The following SPOCK1 variants were observed in gnomAD, a reference collection of about 807,000 sequenced individuals.
The protein encoded by SPOCK1 is testican-1.
A neutral mutation model predicts 55.3 loss-of-function variants in SPOCK1; 23 were observed. That is an observed-to-expected ratio of 0.42 (90% CI 0.30 to 0.59). The LOEUF (loss-of-function observed/expected upper bound fraction) is 0.59. Among genes scored for constraint, SPOCK1 ranks in the 20% least tolerant of loss-of-function variants. SPOCK1 has a pLI of 0.22. For missense variants in SPOCK1, 499 were observed against 552.5 expected (o/e 0.90, Z 0.97); for synonymous variants, 226 against 221.0 (o/e 1.02, Z -0.20).
intron 2 of SPOCK1, among the ~76,000 whole-genome samples, chr5:137,423,677 C>A (rs1236900095): frequency 6.6e-6 from 1 of 152,242 alleles, no homozygotes; most frequent in Non-Finnish European, 1.5e-5. Context: ...CAGGTGCCAT[C>A]TGTCACCCCT....
At position 137,299,158 on chromosome 5, in the gene SPOCK1, T is replaced by C. The variant is rs539715358; in HGVS notation, c.187-32103A>G. ...CTTTTACTATTTTTAGTAACTGATA[T>C]GATGATCACAATATGTATCCTTAAT... On this transcript the variant is annotated intron_variant, in intron 2 of 10. Coordinates refer to ENST00000394945, the MANE Select transcript of SPOCK1 (RefSeq NM_004598.4). 2.9e-4 allele frequency among the ~76,000 whole-genome samples: 44 copies of C among 152,270 alleles called. No homozygotes were observed. The South Asian group carries it at 6.2e-3, about 22-fold the overall frequency.
intron 2 of SPOCK1, among the ~76,000 whole-genome samples, chr5:137,290,216 T>A (rs984208504): frequency 1.3e-5 from 2 of 152,184 alleles, no homozygotes; most frequent in Non-Finnish European, 2.9e-5. Flanking sequence ...ACCAGGAATA[T>A]TAATCAAATG....
intron 3 of SPOCK1, among the ~76,000 whole-genome samples, chr5:137,210,352 C>A (rs556718059): frequency 3.5e-4 from 53 of 152,208 alleles, no homozygotes; most frequent in African/African-American, 1.3e-3. Context: ...ATTTTCCAGG[C>A]TAGAACTGGA....
At chr5:137,102,831 T>C (rs1171095637) in intron 5 of SPOCK1, among the ~76,000 whole-genome samples, 1 of 152,202 alleles carries the variant, frequency 6.6e-6, no homozygotes, top group Admixed American at 6.5e-5. Context: ...ATACAGAAAG[T>C]AAAATAAAGA....
intron 6 of SPOCK1, among the ~76,000 whole-genome samples, chr5:137,025,899 G>A (rs1192005016): frequency 6.6e-6 from 1 of 152,190 alleles, no homozygotes; most frequent in Non-Finnish European, 1.5e-5. Context: ...CTGCAGGAAG[G>A]AGAAGAAACT....
intron 5 of SPOCK1, among the ~76,000 whole-genome samples, chr5:137,070,043 C>T (rs554006927): frequency 6.6e-6 from 1 of 152,238 alleles, no homozygotes; most frequent in South Asian, 2.1e-4. Flanking sequence ...ACTTTCCCAC[C>T]AGGTCTAGCC....
chr5:137,468,783 G>C (rs146743685), intron 2 of SPOCK1, among the ~76,000 whole-genome samples: 1 of 152,144 alleles, frequency 6.6e-6, no homozygotes, highest in Non-Finnish European at 1.5e-5. Flanking sequence ...AAAGCCACAG[G>C]GAGAACGAAG....
chr5:137,065,843 T>A (rs1013006493), intron 6 of SPOCK1, among the ~76,000 whole-genome samples: 3 of 152,204 alleles, frequency 2.0e-5, no homozygotes, highest in Non-Finnish European at 4.4e-5. Flanking sequence ...TTACTTTTAA[T>A]GGCAATGGGG....
In SPOCK1 at chr5:137,068,719, G is replaced by C. The variant is rs138927604; in HGVS notation, c.475-890C>G. On this transcript the variant is annotated intron_variant, in intron 5 of 10. Transcript: ENST00000394945. ...AAAAGATCACAAAGCTCAGGGCCAA[G>C]CACTTAATGCATTCCACAACACTGT... is the stretch of plus-strand genomic sequence containing the variant. 5.2e-3 allele frequency among the ~76,000 whole-genome samples: 792 copies of C among 152,314 alleles called. 3 individuals are homozygous for C. Among genetic ancestry groups the C allele is most frequent in the African/African-American group, 0.018 (747 of 41,568 alleles).
chr5:137,413,091 T>C (rs1752244213), intron 2 of SPOCK1, among the ~76,000 whole-genome samples: 1 of 152,192 alleles, frequency 6.6e-6, no homozygotes, highest in South Asian at 2.1e-4. Flanking sequence ...AGTCATAACC[T>C]TATTTAGTTC....
intron 3 of SPOCK1, 123 bp from the exon 4 acceptor site, chr5:137,140,817 G>A: frequency 7.0e-6 from 4 of 573,466 alleles, no homozygotes; most frequent in Non-Finnish European, 1.1e-5. Context: ...GGTGTGCGGT[G>A]GCGCGATCTC....
intron 4 of SPOCK1, among the ~76,000 whole-genome samples, chr5:137,113,337 T>C (rs1407057425): frequency 6.6e-6 from 1 of 152,196 alleles, no homozygotes; most frequent in Non-Finnish European, 1.5e-5. Flanking sequence ...TAGCCAAAGC[T>C]GTTCTCCAAG....
intron 3 of SPOCK1, among the ~76,000 whole-genome samples, chr5:137,169,890 C>T (rs1021382837): frequency 5.3e-5 from 8 of 152,216 alleles, no homozygotes; most frequent in Admixed American, 2.6e-4. Context: ...TCCTTTCACC[C>T]ACATCTTCAC....
rs138979372 is a variant in SPOCK1, at chr5:137,277,508, C to T, written c.187-10453G>A. ...GGCATCAATGTGAACACCAGAGACC[C>T]TGGAGAGAAGGCATGGGGCTGCCTG... On this transcript the variant is annotated intron_variant, in intron 2 of 10. Coordinates refer to ENST00000394945, the MANE Select transcript of SPOCK1 (RefSeq NM_004598.4). Among the ~76,000 whole-genome samples, 336 of 152,264 alleles carry T rather than the reference C, an allele frequency of 2.2e-3. 2 individuals are homozygous for T. The highest frequency in any genetic ancestry group is 7.6e-3 in the African/African-American group (316 of 41,550).
chr5:137,205,360 G>T (rs1277463120), intron 3 of SPOCK1, among the ~76,000 whole-genome samples: 1 of 152,254 alleles, frequency 6.6e-6, no homozygotes, highest in South Asian at 2.1e-4. Context: ...CTAAAGAGCT[G>T]TGTGCCCTGT....
chr5:137,271,116 G>T (rs1466088247), intron 2 of SPOCK1, among the ~76,000 whole-genome samples: 1 of 151,944 alleles, frequency 6.6e-6, no homozygotes, highest in Non-Finnish European at 1.5e-5. Flanking sequence ...TGGTGTTAGT[G>T]GGAGAGGAAG....
intron 2 of SPOCK1, among the ~76,000 whole-genome samples, chr5:137,274,282 G>A (rs1160044646): frequency 6.6e-6 from 1 of 152,176 alleles, no homozygotes; most frequent in Non-Finnish European, 1.5e-5. Context: ...TATCTAGGAA[G>A]GAAAGAATAG....
chr5:137,082,685 G>A (rs901011570), intron 5 of SPOCK1, among the ~76,000 whole-genome samples: 3 of 152,104 alleles, frequency 2.0e-5, no homozygotes, highest in Admixed American at 2.0e-4. Flanking sequence ...TGTATGCTTG[G>A]GCATGGAACA....
chr5:137,076,257 G>A (rs916971996), intron 5 of SPOCK1, among the ~76,000 whole-genome samples: 2 of 152,168 alleles, frequency 1.3e-5, no homozygotes, highest in African/African-American at 4.8e-5. Context: ...TGTGCCCCAG[G>A]ACAATTCTCT....
Sources: gnomAD v4.1 joint callset for allele counts (sites outside exome capture counted in the v4.1 genomes callset) on GRCh38, gnomAD v4.1.1 for gene constraint, MANE v1.5 for transcripts, NCBI Gene and HGNC (gene_info 2026-07-23, HGNC 2026-07-21) for gene names.